The following SUMF1 variants were observed in gnomAD, a reference collection of about 807,000 sequenced individuals.
The protein encoded by SUMF1 is sulfatase modifying factor 1, also known as formylglycine-generating enzyme.
Under a neutral mutation model 47.6 loss-of-function variants are expected in SUMF1, and 48 were observed. The ratio of observed to expected loss-of-function variants is 1.01; its 90% CI spans 0.80 to 1.28. SUMF1 has a LOEUF of 1.28. Among genes scored for constraint, SUMF1 ranks in the 50% most tolerant of loss-of-function variants. The probability of loss-of-function intolerance (pLI) is 0.00; values close to 1 mark genes in which losing one functional copy is unlikely to be tolerated. For missense variants in SUMF1, 571 were observed against 485.4 expected, an observed-to-expected ratio of 1.18 and a Z score of -1.66; for synonymous variants, 230 against 192.1, an observed-to-expected ratio of 1.20 and a Z score of -1.63.
intron 8 of SUMF1, among the ~76,000 whole-genome samples, chr3:4,367,166 G>C (rs1275949700): frequency 5.3e-5 from 8 of 152,114 alleles, no homozygotes; most frequent in Admixed American, 3.9e-4. Context: ...TCGGGGGTCA[G>C]GGGTCAGGGA....
intron 4 of SUMF1, 92 bp from the exon 5 acceptor site, chr3:4,418,224 T>C (rs956151544): frequency 6.4e-7 from 1 of 1,573,116 alleles, no homozygotes; most frequent in East Asian, 2.3e-5. Flanking sequence ...TCCCCCTCAG[T>C]TCAATCTGTG....
chr3:4,099,801 T>G (rs571028781), intron 8 of SUMF1, among the ~76,000 whole-genome samples: 2 of 151,690 alleles, frequency 1.3e-5, no homozygotes, highest in African/African-American at 4.8e-5. Context: ...AGTGTTTCTA[T>G]ACACTAACCA....
At chr3:4,363,347 CT>C (rs1316106923) in intron 8 of SUMF1, among the ~76,000 whole-genome samples, 1 of 152,126 alleles carries the variant, frequency 6.6e-6, no homozygotes, top group Non-Finnish European at 1.5e-5. Context: ...GACAACATTG[CT>C]TTTTAAAAAT....
At chr3:4,037,600 T>A (rs1370410929) in intron 9 of SUMF1, among the ~76,000 whole-genome samples, 1 of 152,188 alleles carries the variant, frequency 6.6e-6, no homozygotes, top group African/African-American at 2.4e-5. Context: ...ATTTTGCTGT[T>A]CTCCCAAATC....
chr3:4,264,259 C>G (rs182831580), intron 8 of SUMF1, among the ~76,000 whole-genome samples: 34 of 152,272 alleles, frequency 2.2e-4, no homozygotes, highest in African/African-American at 7.2e-4. Flanking sequence ...ACTTCCCAGG[C>G]AGTTAGATAT....
At chr3:4,155,532 C>T (rs1694433547) in intron 8 of SUMF1, among the ~76,000 whole-genome samples, 2 of 151,410 alleles carry the variant, frequency 1.3e-5, no homozygotes, top group South Asian at 4.1e-4. Flanking sequence ...AGAAAAACCA[C>T]ATTCATGGTG....
intron 1 of SUMF1, among the ~76,000 whole-genome samples, chr3:4,463,906 G>C (rs181102217): frequency 6.6e-6 from 1 of 152,276 alleles, no homozygotes; most frequent in East Asian, 1.9e-4. Flanking sequence ...TAACCAGAGG[G>C]AATACACATT....
chr3:4,385,597 G>A (rs2124902587), intron 7 of SUMF1, among the ~76,000 whole-genome samples: 1 of 152,232 alleles, frequency 6.6e-6, no homozygotes, highest in South Asian at 2.1e-4. Context: ...CCTCTTAACA[G>A]GCTCTTTCAC....
intron 8 of SUMF1, among the ~76,000 whole-genome samples, chr3:4,193,921 T>A (rs759469663): frequency 6.6e-6 from 1 of 152,142 alleles, no homozygotes; most frequent in Non-Finnish European, 1.5e-5. Flanking sequence ...CATGTAAGAA[T>A]GAATATTCAA....
intron 8 of SUMF1, among the ~76,000 whole-genome samples, chr3:4,127,884 G>C (rs1693691808): frequency 6.6e-6 from 1 of 152,126 alleles, no homozygotes. Context: ...ATGGAGAACA[G>C]TGATAGTCCT....
chr3:4,372,183 C>T (rs1307655264), intron 8 of SUMF1, among the ~76,000 whole-genome samples: 4 of 152,158 alleles, frequency 2.6e-5, no homozygotes, highest in African/African-American at 9.7e-5. Context: ...AGCCTGTAAT[C>T]CCGGCTACTC....
rs183153507 is a variant in SUMF1, at chr3:4,124,118, T to C, written c.1015-55373A>G. ...ACTTGAAAGCTACATCAATTTCTTTTTGTCTTTTTCTTTCCAAAAAATAAA... is the reference window on the plus strand; with the variant it reads ...ACTTGAAAGCTACATCAATTTCTTTCTGTCTTTTTCTTTCCAAAAAATAAA... On this transcript the variant is annotated intron_variant and NMD_transcript_variant, in intron 8 of 12. Transcript: ENST00000448413. 1.0e-3 allele frequency among the ~76,000 whole-genome samples: 159 copies of C among 152,316 alleles called. 2 individuals are homozygous for C. The highest frequency in any genetic ancestry group is 6.0e-3 in the Admixed American group (92 of 15,298).
chr3:4,433,254 GA>G (rs2125078213), intron 3 of SUMF1, among the ~76,000 whole-genome samples: 1 of 152,264 alleles, frequency 6.6e-6, no homozygotes, highest in African/African-American at 2.4e-5. Flanking sequence ...ACCAAGACAT[GA>G]AAAGAAATTT....
chr3:4,180,967 T>A (rs1410302731), intron 8 of SUMF1, among the ~76,000 whole-genome samples: 1 of 152,216 alleles, frequency 6.6e-6, no homozygotes, highest in Non-Finnish European at 1.5e-5. Context: ...ATTCATTTAC[T>A]AACCAAAATA....
chr3:4,375,816 A>T (rs1397722277), intron 8 of SUMF1, among the ~76,000 whole-genome samples: 3 of 152,194 alleles, frequency 2.0e-5, no homozygotes, highest in Non-Finnish European at 4.4e-5. Context: ...GCCAGCTCAG[A>T]CACTAAAATC....
intron 8 of SUMF1, among the ~76,000 whole-genome samples, chr3:4,363,947 G>C (rs375657810): frequency 6.9e-6 from 1 of 143,966 alleles, no homozygotes; most frequent in Non-Finnish European, 1.5e-5. Context: ...TTGTTGAATT[G>C]TGTCAAAGGC....
chr3:4,391,412 T>C (rs1382777946), intron 7 of SUMF1, among the ~76,000 whole-genome samples: 1 of 152,202 alleles, frequency 6.6e-6, no homozygotes, highest in Non-Finnish European at 1.5e-5. Context: ...GTGTTAAAAT[T>C]ATGTTGGAAC....
At chr3:4,457,000 A>G (rs1240495071) in intron 1 of SUMF1, among the ~76,000 whole-genome samples, 13 of 142,626 alleles carry the variant, frequency 9.1e-5, no homozygotes, top group Middle Eastern at 3.9e-3. Flanking sequence ...ACGTGTGTGT[A>G]TATATATACG....
intron 8 of SUMF1, among the ~76,000 whole-genome samples, chr3:4,151,505 GTATATGTATACGTATATATGTA>G (rs1288030122): frequency 7.1e-6 from 1 of 141,626 alleles, no homozygotes; most frequent in African/African-American, 2.7e-5. Flanking sequence ...GTATATATGT[GTATATGTATACGTATATATGTA>G]TATATGTGTA....
Sources: allele counts gnomAD v4.1 joint callset (sites outside exome capture counted in the v4.1 genomes callset), GRCh38; gene constraint gnomAD v4.1.1; transcripts MANE v1.5; gene names NCBI Gene and HGNC (gene_info 2026-07-23, HGNC 2026-07-21).